The following CSMD1 variants were observed in gnomAD, a reference collection of about 807,000 sequenced individuals.
CSMD1 encodes CUB and Sushi multiple domains 1.
A neutral mutation model predicts 417.5 loss-of-function variants in CSMD1; 213 were observed. The ratio of observed to expected loss-of-function variants is 0.51; its 90% CI spans 0.46 to 0.57. CSMD1 has a LOEUF of 0.57. Among genes scored for constraint, CSMD1 ranks in the 20% least tolerant of loss-of-function variants. CSMD1 has a pLI of 0.00. For synonymous variants in CSMD1, 2,862 were observed against 1,736.8 expected, an observed-to-expected ratio of 1.65 and a Z score of -16.11; for missense variants, 6,923 against 4,529.7, an observed-to-expected ratio of 1.53 and a Z score of -15.17.
chr8:4,946,746 T>C (rs948805110), intron 1 of CSMD1, among the ~76,000 whole-genome samples: 2 of 152,212 alleles, frequency 1.3e-5, no homozygotes, highest in Non-Finnish European at 2.9e-5. Flanking sequence ...TCAGCATCAG[T>C]AGGTTCAGTT....
intron 1 of CSMD1, among the ~76,000 whole-genome samples, chr8:4,730,938 GC>G (rs1563240905): frequency 6.6e-6 from 1 of 152,034 alleles, no homozygotes; most frequent in Non-Finnish European, 1.5e-5. Flanking sequence ...GGCAACCAGG[GC>G]CAGTGTTCCT....
At chr8:3,834,974 T>C (rs920775835) in intron 5 of CSMD1, among the ~76,000 whole-genome samples, 24 of 152,012 alleles carry the variant, frequency 1.6e-4, no homozygotes, top group African/African-American at 5.3e-4. Flanking sequence ...AAAATGCTCA[T>C]CATCACTGGC....
chr8:4,345,181 C>T (rs1405906237), intron 3 of CSMD1, among the ~76,000 whole-genome samples: 1 of 152,134 alleles, frequency 6.6e-6, no homozygotes, highest in Non-Finnish European at 1.5e-5. Context: ...CACTTACATG[C>T]AAGACATCGC....
chr8:4,534,612 A>G (rs1407948489), intron 2 of CSMD1, among the ~76,000 whole-genome samples: 1 of 151,992 alleles, frequency 6.6e-6, no homozygotes, highest in Non-Finnish European at 1.5e-5. Context: ...TAGTAGCCTG[A>G]AATGTCTAAT....
At chr8:3,419,468 T>G (rs1224786808) in intron 12 of CSMD1, among the ~76,000 whole-genome samples, 1 of 152,220 alleles carries the variant, frequency 6.6e-6, no homozygotes, top group Non-Finnish European at 1.5e-5. Context: ...ATATTTGTAT[T>G]TTTAAATAAG....
intron 3 of CSMD1, among the ~76,000 whole-genome samples, chr8:4,344,230 A>C (rs553247045): frequency 6.6e-6 from 1 of 152,220 alleles, no homozygotes; most frequent in Non-Finnish European, 1.5e-5. Flanking sequence ...GTTTTCCCAA[A>C]GGTGCCTCTG....
chr8:3,757,996 C>G (rs1177039134), intron 5 of CSMD1, among the ~76,000 whole-genome samples: 1 of 152,116 alleles, frequency 6.6e-6, no homozygotes, highest in Non-Finnish European at 1.5e-5. Flanking sequence ...GACAGTCTTG[C>G]TCTGTCACCC....
At chr8:4,984,631 T>A (rs749727354) in intron 1 of CSMD1, among the ~76,000 whole-genome samples, 1 of 152,094 alleles carries the variant, frequency 6.6e-6, no homozygotes, top group Non-Finnish European at 1.5e-5. Flanking sequence ...TAGATTAGGG[T>A]AGTCATAGCC....
At chr8:4,650,112 G>A (rs900597339) in intron 1 of CSMD1, among the ~76,000 whole-genome samples, 6 of 152,086 alleles carry the variant, frequency 3.9e-5, no homozygotes, top group Non-Finnish European at 5.9e-5. Flanking sequence ...TTGGGAGGCC[G>A]AGGCGGGCGG....
chr8:3,992,303 A>G (rs1334310206), intron 5 of CSMD1, among the ~76,000 whole-genome samples: 1 of 152,176 alleles, frequency 6.6e-6, no homozygotes, highest in Non-Finnish European at 1.5e-5. Context: ...TACCTGGAGT[A>G]CGCAAGTTTA....
At chr8:4,934,141 C>G (rs1807443792) in intron 1 of CSMD1, among the ~76,000 whole-genome samples, 1 of 152,222 alleles carries the variant, frequency 6.6e-6, no homozygotes, top group African/African-American at 2.4e-5. Context: ...AACTCCTGGC[C>G]CAGTGACTCT....
chr8:3,289,113 G>C (rs998206629), intron 25 of CSMD1, among the ~76,000 whole-genome samples: 5 of 147,506 alleles, frequency 3.4e-5, no homozygotes, highest in Admixed American at 6.7e-5. Context: ...TGCTGAGAAT[G>C]ATGGTTTCCA....
chr8:4,284,197 A>G (rs1480093984), intron 3 of CSMD1, among the ~76,000 whole-genome samples: 2 of 151,926 alleles, frequency 1.3e-5, no homozygotes, highest in Non-Finnish European at 2.9e-5. Context: ...GTGAAACCCT[A>G]TCTCTACTAA....
intron 4 of CSMD1, among the ~76,000 whole-genome samples, chr8:4,008,600 C>CTTTTTTTT (rs1161117794): frequency 0.056 from 4,511 of 80,552 alleles, 13 homozygotes; most frequent in Non-Finnish European, 0.068. Context: ...TTCTTTTTTT[C>CTTTTTTTT]TTTTTTTTTT....
In CSMD1 at chr8:4,165,486, C is replaced by G. The variant is rs570922861; in HGVS notation, c.416-133387G>C. 2.0e-4 allele frequency among the ~76,000 whole-genome samples: 31 copies of G among 152,318 alleles called. 1 individual carries two copies. The East Asian group carries it at 5.6e-3, about 27-fold the overall frequency. The stretch of plus-strand genomic sequence containing the variant: ...AATGGCAGTCATTGCTCACTGTAGC[C>G]TCAAGTGCCCAAGCTCAAGTCATCC... On this transcript the variant is annotated intron_variant, in intron 3 of 69. Coordinates refer to ENST00000635120, the MANE Select transcript of CSMD1 (RefSeq NM_033225.6).
intron 26 of CSMD1, among the ~76,000 whole-genome samples, chr8:3,282,354 T>G (rs2216776): frequency 2.0e-5 from 3 of 151,802 alleles, no homozygotes; most frequent in African/African-American, 2.4e-5. Context: ...TTACTGCCAG[T>G]GCAAAACTAC....
chr8:3,628,381 G>C (rs1796597760), intron 7 of CSMD1, among the ~76,000 whole-genome samples: 3 of 152,202 alleles, frequency 2.0e-5, no homozygotes, highest in South Asian at 2.1e-4. Flanking sequence ...GTTTACCAGA[G>C]CACAGGCCCG....
rs753065637 is a variant in CSMD1, at chr8:4,973,322, G to A, written c.85+21010C>T. Among the ~76,000 whole-genome samples, 21 of 152,238 alleles carry A rather than the reference G, an allele frequency of 1.4e-4. No homozygotes were observed. In the East Asian group the frequency reaches 2.7e-3, roughly 20 times the overall value. ...ACTGCACAGGCCTTGACTTATAGGC[G>A]AAGTCAATAGAGTTCATTGAACAAA... On this transcript the variant is annotated intron_variant, in intron 1 of 69. Coordinates refer to ENST00000635120, the MANE Select transcript of CSMD1 (RefSeq NM_033225.6).
chr8:4,182,378 C>G (rs1798428707), intron 3 of CSMD1, among the ~76,000 whole-genome samples: 1 of 152,086 alleles, frequency 6.6e-6, no homozygotes, highest in Non-Finnish European at 1.5e-5. Flanking sequence ...AGTATATTAT[C>G]TTTTAAAACT....
Sources: allele counts gnomAD v4.1 joint callset (sites outside exome capture counted in the v4.1 genomes callset), GRCh38; gene constraint gnomAD v4.1.1; transcripts MANE v1.5; gene names NCBI Gene and HGNC (gene_info 2026-07-23, HGNC 2026-07-21).